The following ZNF138 variants were observed in gnomAD, a reference collection of about 807,000 sequenced individuals.
The protein encoded by ZNF138 is zinc finger protein 138 (clone pHZ-32).
In ZNF138, 33 loss-of-function variants were observed where a neutral mutation model predicts 33.0. That is an observed-to-expected ratio of 1.00 (90% CI 0.76 to 1.34). The LOEUF is 1.34. ZNF138 is among the 40% of genes most tolerant of loss of function. The pLI is 0.00. For missense variants in ZNF138, 360 were observed against 370.8 expected (o/e 0.97, Z 0.24); for synonymous variants, 139 against 120.4 (o/e 1.15, Z -1.01).
At position 64,832,937 on chromosome 7, in the gene ZNF138, C is replaced by A; in HGVS notation, c.*735C>A. The A allele has an allele frequency of 2.6e-6, 1 of 385,110 alleles. No homozygotes were observed. 23.9% of individuals were successfully genotyped at this position (385,110 alleles called of 1,614,324 possible). On this transcript the variant is annotated 3_prime_UTR_variant, in exon 4 of 4. Coordinates refer to ENST00000307355, the MANE Select transcript of ZNF138 (RefSeq NM_001271639.2). The stretch of plus-strand genomic sequence containing the variant: ...AACCCTACAAATGTGAACGATGTGG[C>A]AGTTGTTTTAACTAGTTCTCGAACT...
At chr7:64,847,755 A>G in the ZNF138 span, among the ~76,000 whole-genome samples, 7 of 152,094 alleles carry the variant, frequency 4.6e-5, no homozygotes, top group Non-Finnish European at 1.0e-4. Context: ...CTTATGTTAG[A>G]TGAGTCTCTT....
Position 64,794,459 on chromosome 7 carries a change from C to G in ZNF138, c.-110C>G, listed in dbSNP as rs1021512238. The G allele has an allele frequency of 2.6e-6, 4 of 1,537,718 alleles. No homozygotes were observed. Among genetic ancestry groups the G allele is most frequent in the Non-Finnish European group, 3.6e-6 (4 of 1,117,576 alleles). On this transcript the variant is annotated 5_prime_UTR_variant, in exon 1 of 4. Transcript: ENST00000307355. ...CTGCAGCGGGTGCTGCAGGTCTGGC[C>G]TTCACTTTTCTGCGTCCTCTTACTC...
intron 1 of ZNF138, among the ~76,000 whole-genome samples, chr7:64,801,221 CCTTG>C (rs965936707): frequency 6.6e-6 from 1 of 151,880 alleles, no homozygotes; most frequent in African/African-American, 2.4e-5. Flanking sequence ...GTTTGTTTCC[CCTTG>C]CTTCTCTCCT....
chr7:64,835,225 T>C (rs6976060), downstream of ZNF138: 149,990 of 152,212 alleles, frequency 0.99, 73,942 homozygotes, highest in East Asian at 1. Flanking sequence ...GAGTCTTCAC[T>C]GGAGTCCAAT....
At chr7:64,817,276 C>T (rs1788722603) in intron 3 of ZNF138, among the ~76,000 whole-genome samples, 1 of 152,214 alleles carries the variant, frequency 6.6e-6, no homozygotes, top group Non-Finnish European at 1.5e-5. Context: ...TCCTGCAGGC[C>T]TCTGGAAGAG....
At chr7:64,827,480 G>C (rs373757681) in intron 3 of ZNF138, among the ~76,000 whole-genome samples, 3 of 152,106 alleles carry the variant, frequency 2.0e-5, no homozygotes, top group Admixed American at 2.0e-4. Flanking sequence ...TCCTGACCTC[G>C]TGATCCATCC....
At chr7:64,836,744 GATC>G (rs978809821), downstream of ZNF138, 10 of 152,192 alleles carry the variant, frequency 6.6e-5, no homozygotes, top group Non-Finnish European at 1.0e-4. Flanking sequence ...GAGTTACTTT[GATC>G]ATACAGGAAG....
At chr7:64,837,594 G>T (rs1487856670), downstream of ZNF138, among the ~76,000 whole-genome samples, 1 of 152,152 alleles carries the variant, frequency 6.6e-6, no homozygotes, top group Non-Finnish European at 1.5e-5. Flanking sequence ...GGTTACCCAA[G>T]ATTGGCGCGT....
At chr7:64,809,464 C>T (rs1338393807) in intron 1 of ZNF138, among the ~76,000 whole-genome samples, 5 of 15,316 alleles carry the variant, frequency 3.3e-4, no homozygotes, top group South Asian at 2.2e-3. Context: ...ACCTCCCTCC[C>T]GGATGGGGCG....
At chr7:64,811,615 G>A (rs571340350) in intron 1 of ZNF138, among the ~76,000 whole-genome samples, 5 of 152,254 alleles carry the variant, frequency 3.3e-5, no homozygotes, top group South Asian at 4.2e-4. Context: ...CAAAGTGCCC[G>A]GCCTGTTTTT....
intron 2 of ZNF138, 47 bp downstream of exon 2, chr7:64,815,091 C>A: frequency 2.5e-5 from 34 of 1,333,628 alleles, no homozygotes; most frequent in Admixed American, 2.8e-5. Flanking sequence ...CTAAAGGTTT[C>A]ATTTTTTTTT....
At chr7:64,847,332 A>ATATATATATATAT in the ZNF138 span, among the ~76,000 whole-genome samples, 3 of 128,140 alleles carry the variant, frequency 2.3e-5, no homozygotes, top group Admixed American at 1.7e-4. Context: ...ATATATATAT[A>ATATATATATATAT]TTTTTTTTTT....
At chr7:64,844,627 C>T in the ZNF138 span, among the ~76,000 whole-genome samples, 3 of 150,646 alleles carry the variant, frequency 2.0e-5, no homozygotes, top group South Asian at 2.1e-4. Context: ...CCATAGGTTT[C>T]GAGGAACAGG....
chr7:64,804,355 T>C (rs1379340396), intron 1 of ZNF138, among the ~76,000 whole-genome samples: 7 of 152,160 alleles, frequency 4.6e-5, no homozygotes, highest in Admixed American at 6.5e-5. Flanking sequence ...CTTGCTCAAT[T>C]GATCACAGCC....
chr7:64,816,492 T>C (rs891705283), intron 3 of ZNF138, among the ~76,000 whole-genome samples: 9 of 152,134 alleles, frequency 5.9e-5, no homozygotes, highest in African/African-American at 2.2e-4. Flanking sequence ...TCAGATAATT[T>C]GTTTTAAGTA....
chr7:64,841,121 C>A, the ZNF138 span, among the ~76,000 whole-genome samples: 1 of 151,860 alleles, frequency 6.6e-6, no homozygotes, highest in Non-Finnish European at 1.5e-5. Context: ...TTGTCTCTTA[C>A]GATTTTTTCT....
Position 64,821,035 on chromosome 7 carries a change from G to GTTTT in ZNF138, c.208+5388_208+5391dup, listed in dbSNP as rs71061313. 4.2e-3 allele frequency among the ~76,000 whole-genome samples: 618 copies of GTTTT among 145,954 alleles called. 6 individuals carry two copies. In the East Asian group the frequency reaches 0.043, roughly 10 times the overall value. Reference sequence around the variant, plus strand: ...CCATTCTAATTGGTGTGAGGTGATTGTTTTTTTTTGTTTTGTTTTTGGTTT... The same window carrying GTTTT: ...CCATTCTAATTGGTGTGAGGTGATTGTTTTTTTTTTTTTGTTTTGTTTTTGGTTT... On this transcript the variant is annotated intron_variant, in intron 3 of 3. Transcript: ENST00000307355.
chr7:64,797,250 A>T (rs1002811855), intron 1 of ZNF138, among the ~76,000 whole-genome samples: 14 of 152,312 alleles, frequency 9.2e-5, no homozygotes, highest in Middle Eastern at 3.4e-3. Context: ...CTATCCTAGA[A>T]GTGTTCCCAT....
chr7:64,831,509 C>A lies in ZNF138; in HGVS notation c.267C>A (p.Phe89Leu). The A allele has an allele frequency of 6.2e-7, 1 of 1,605,578 alleles. No homozygotes were observed. Among genetic ancestry groups the A allele is most frequent in the Non-Finnish European group, 8.5e-7 (1 of 1,177,504 alleles). ...TAGAGCAGAACATAAAAGATTCTTT[C>A]CAAAAAGTGACACTGAGCAGATATG... ...LWLEQNIKDS[F>L]QKVTLSRYGK... The change falls in exon 4 of 4, where the codon TTC becomes TTA. Residue 89 changes from phenylalanine to leucine, a missense_variant. Transcript: ENST00000307355.
Sources: gnomAD v4.1 joint callset for allele counts (sites outside exome capture counted in the v4.1 genomes callset) on GRCh38, gnomAD v4.1.1 for gene constraint, MANE v1.5 for transcripts, NCBI Gene and HGNC (gene_info 2026-07-23, HGNC 2026-07-21) for gene names.